The following NT5C2 variants were observed in gnomAD, a reference collection of about 807,000 sequenced individuals.
NT5C2 encodes the protein cytosolic purine 5'-nucleotidase.
A neutral mutation model predicts 76.1 loss-of-function variants in NT5C2; 58 were observed. The observed-to-expected ratio is 0.76, with a 90% CI of 0.62 to 0.95. The LOEUF is 0.95. Ranked by LOEUF, NT5C2 falls within the 40% of genes least tolerant of loss-of-function variation. The pLI, the probability that NT5C2 is intolerant of heterozygous loss-of-function variation, is 0.00. For synonymous variants in NT5C2, 229 were observed against 237.4 expected, an observed-to-expected ratio of 0.96 and a Z score of 0.32; for missense variants, 478 against 690.3, an observed-to-expected ratio of 0.69 and a Z score of 3.45.
intron 1 of NT5C2, among the ~76,000 whole-genome samples, chr10:103,191,382 C>CA (rs768556332): frequency 0.057 from 3,819 of 66,724 alleles, 106 homozygotes; most frequent in Middle Eastern, 0.12. Flanking sequence ...AGCTCCGTCT[C>CA]AAAAAAAAAA....
At chr10:103,177,340 T>C (rs1490019748) in intron 2 of NT5C2, among the ~76,000 whole-genome samples, 1 of 152,180 alleles carries the variant, frequency 6.6e-6, no homozygotes, top group Non-Finnish European at 1.5e-5. Context: ...AGGTTTCACT[T>C]CTGTTTTTGA....
chr10:103,174,605 A>T (rs1009127333), intron 3 of NT5C2, among the ~76,000 whole-genome samples: 13 of 151,764 alleles, frequency 8.6e-5, no homozygotes, highest in African/African-American at 3.2e-4. Flanking sequence ...AGAAAAAAAA[A>T]TTTTTATTAA....
At chr10:103,114,086 C>T (rs943603519) in intron 4 of NT5C2, among the ~76,000 whole-genome samples, 1 of 152,176 alleles carries the variant, frequency 6.6e-6, no homozygotes, top group Non-Finnish European at 1.5e-5. Flanking sequence ...AACAGCCAAC[C>T]TAGACTTTTA....
chr10:103,118,054 A>T (rs544529468), intron 4 of NT5C2, among the ~76,000 whole-genome samples: 1 of 152,232 alleles, frequency 6.6e-6, no homozygotes, highest in Non-Finnish European at 1.5e-5. Context: ...GAAGGATAAT[A>T]TCTATTTGGA....
rs1277381645 is a variant in NT5C2 at position 103,132,039 on chromosome 10, G to A, written c.175+7367C>T. 2.6e-5 allele frequency among the ~76,000 whole-genome samples: 4 copies of A among 152,052 alleles called. No individual in the cohort carries two copies. The East Asian group carries it at 5.8e-4, about 22-fold the overall frequency. The stretch of plus-strand genomic sequence containing the variant: ...GTGGATCATCTGAAGTCAGGAGTTC[G>A]AGACCAGCCTGACCAACACGGTGAA... On this transcript the variant is annotated intron_variant, in intron 4 of 18. Coordinates refer to ENST00000404739, the MANE Select transcript of NT5C2 (RefSeq NM_001351169.2).
chr10:103,152,590 T>C (rs558600363), intron 3 of NT5C2, among the ~76,000 whole-genome samples: 1 of 152,330 alleles, frequency 6.6e-6, no homozygotes, highest in East Asian at 1.9e-4. Context: ...TAAAGAATTT[T>C]TTTGAGAGAT....
At chr10:103,183,737 T>C (rs929519224) in intron 1 of NT5C2, among the ~76,000 whole-genome samples, 5 of 151,808 alleles carry the variant, frequency 3.3e-5, no homozygotes, top group African/African-American at 1.2e-4. Flanking sequence ...ATGTACACTA[T>C]TCAGGTGATG....
chr10:103,161,377 T>C (rs1052012795), intron 3 of NT5C2, among the ~76,000 whole-genome samples: 1 of 152,052 alleles, frequency 6.6e-6, no homozygotes, highest in Non-Finnish European at 1.5e-5. Context: ...GGGGTTTTGC[T>C]ATGTTGCCCA....
intron 1 of NT5C2, among the ~76,000 whole-genome samples, chr10:103,188,078 C>A (rs778059873): frequency 2.6e-5 from 4 of 152,262 alleles, no homozygotes; most frequent in Admixed American, 6.5e-5. Context: ...TAAAATAGGG[C>A]GGACGCGGTG....
intron 4 of NT5C2, among the ~76,000 whole-genome samples, chr10:103,134,424 C>A (rs1485666938): frequency 2.0e-5 from 3 of 152,248 alleles, no homozygotes; most frequent in Admixed American, 6.5e-5. Flanking sequence ...GTGCAAGCCT[C>A]AAGCCTTGGC....
At chr10:103,090,499 C>T (rs1230360056) in intron 18 of NT5C2, 112 bp downstream of exon 18, 2 of 939,378 alleles carry the variant, frequency 2.1e-6, no homozygotes, top group East Asian at 2.6e-5. Context: ...TGCCCCTGGG[C>T]TCTGTACATC....
At chr10:103,154,007 G>C (rs1347751456) in intron 3 of NT5C2, among the ~76,000 whole-genome samples, 1 of 151,968 alleles carries the variant, frequency 6.6e-6, no homozygotes, top group Admixed American at 6.6e-5. Context: ...GATATTTACA[G>C]ATCTTTGGCA....
chr10:103,129,641 C>G (rs1445458465), intron 4 of NT5C2, among the ~76,000 whole-genome samples: 1 of 100,382 alleles, frequency 1.0e-5, no homozygotes, highest in Non-Finnish European at 2.2e-5. Context: ...GTCAGCCCCC[C>G]CGCCCGGCCA....
At chr10:103,178,414 C>A (rs1488284819) in intron 2 of NT5C2, among the ~76,000 whole-genome samples, 12 of 151,920 alleles carry the variant, frequency 7.9e-5, no homozygotes, top group Admixed American at 7.9e-4. Context: ...GCATGGTGGT[C>A]CGTATCTGTA....
intron 3 of NT5C2, among the ~76,000 whole-genome samples, chr10:103,161,427 C>T (rs750039074): frequency 9.9e-5 from 15 of 152,120 alleles, no homozygotes; most frequent in Non-Finnish European, 1.6e-4. Context: ...GCAATTTGCC[C>T]GTCTCACCTA....
intron 3 of NT5C2, among the ~76,000 whole-genome samples, chr10:103,147,094 G>C (rs1473166881): frequency 6.6e-6 from 1 of 152,094 alleles, no homozygotes; most frequent in African/African-American, 2.4e-5. Context: ...GTGTCCATTT[G>C]AAACAGATTG....
rs1448042418 is a variant in NT5C2, at chr10:103,175,015, A to T, written c.-24-33T>A. 6 of 1,245,100 alleles carry T rather than the reference A, an allele frequency of 4.8e-6. No individual in the cohort carries two copies. The East Asian group carries it at 1.4e-4, about 29-fold the overall frequency. 77.1% of individuals were successfully genotyped at this position (1,245,100 alleles called of 1,614,324 possible). A position where few individuals can be genotyped will look rare whatever the true frequency, so the allele number is the denominator to read the frequency against. Reference sequence around the variant, plus strand: ...AGAAAATCATTAATTTAGTAACTTAATATTGGCATCTGTATACTGACATCT... The same window carrying T: ...AGAAAATCATTAATTTAGTAACTTATTATTGGCATCTGTATACTGACATCT... On this transcript the variant is annotated intron_variant, in intron 2 of 18. Coordinates refer to ENST00000404739, the MANE Select transcript of NT5C2 (RefSeq NM_001351169.2).
At chr10:103,183,044 ATCCCCT>A (rs2091361156) in intron 1 of NT5C2, among the ~76,000 whole-genome samples, 1 of 151,986 alleles carries the variant, frequency 6.6e-6, no homozygotes, top group South Asian at 2.1e-4. Flanking sequence ...TTACAAATAC[ATCCCCT>A]TAAAAACATG....
chr10:103,093,209 C>T lies in NT5C2; in HGVS notation c.1089G>A (p.Arg363=), dbSNP rs370299413. 91 of 1,611,916 alleles carry T rather than the reference C, an allele frequency of 5.6e-5. No homozygotes were observed. Among genetic ancestry groups the T allele is most frequent in the Non-Finnish European group, 7.4e-5 (87 of 1,179,066 alleles). ...IFGDILKSKK[R]QGWRTFLVIP... ...TCACCAAAAAAGTTCGCCACCCTTG[C>T]CGTTTCTTTGATTTTAAAATGTCCC... Residue 363 remains arginine (R), a synonymous_variant, in exon 15 of 19, where the codon CGG becomes CGA. Transcript: ENST00000404739.
Sources: allele counts gnomAD v4.1 joint callset (sites outside exome capture counted in the v4.1 genomes callset), GRCh38; gene constraint gnomAD v4.1.1; transcripts MANE v1.5; gene names NCBI Gene and HGNC (gene_info 2026-07-23, HGNC 2026-07-21).